SUMF1: variants seen among roughly 807,000 people sequenced by gnomAD.
SUMF1 encodes formylglycine-generating enzyme.
Under a neutral mutation model 47.6 loss-of-function variants are expected in SUMF1, and 48 were observed. The ratio of observed to expected loss-of-function variants is 1.01; its 90% CI spans 0.80 to 1.28. The LOEUF is 1.28. SUMF1 is among the 50% of genes most tolerant of loss of function. The pLI is 0.00. For synonymous variants in SUMF1, 230 were observed against 192.1 expected (o/e 1.20, Z -1.63); for missense variants, 571 against 485.4 (o/e 1.18, Z -1.66).
At chr3:4,177,785 G>C (rs143088038) in intron 8 of SUMF1, among the ~76,000 whole-genome samples, 2 of 152,186 alleles carry the variant, frequency 1.3e-5, no homozygotes, top group African/African-American at 4.8e-5. Context: ...AAAATTGATA[G>C]ACCACTAGCA....
chr3:4,206,551 C>A (rs1004810393), intron 8 of SUMF1, among the ~76,000 whole-genome samples: 2 of 152,146 alleles, frequency 1.3e-5, no homozygotes, highest in Admixed American at 6.5e-5. Flanking sequence ...GATTCTTTCT[C>A]TGTGTCACGT....
intron 8 of SUMF1, among the ~76,000 whole-genome samples, chr3:4,134,934 T>A (rs1693887996): frequency 6.6e-6 from 1 of 152,144 alleles, no homozygotes; most frequent in African/African-American, 2.4e-5. Flanking sequence ...CGAAGTTGAA[T>A]CTCTGAATAG....
intron 3 of SUMF1, among the ~76,000 whole-genome samples, chr3:4,442,367 TGCCTC>T (rs1702626074): frequency 1.3e-5 from 2 of 151,536 alleles, no homozygotes; most frequent in African/African-American, 4.8e-5. Flanking sequence ...GCCATTCTCC[TGCCTC>T]AGCCTCCCGA....
chr3:4,126,806 T>C (rs746748264), intron 8 of SUMF1, among the ~76,000 whole-genome samples: 1 of 152,144 alleles, frequency 6.6e-6, no homozygotes, highest in Non-Finnish European at 1.5e-5. Context: ...AAGAAATAAT[T>C]TTTCAGTCCT....
At chr3:4,177,578 G>A (rs1694994962) in intron 8 of SUMF1, among the ~76,000 whole-genome samples, 4 of 152,102 alleles carry the variant, frequency 2.6e-5, no homozygotes, top group South Asian at 4.1e-4. Flanking sequence ...ATGCCCACAA[G>A]AGAAAGCAGG....
Position 4,417,166 on chromosome 3 carries a change from T to C in SUMF1, c.802A>G (p.Thr268Ala), listed in dbSNP as rs141447969. 1.3e-4 allele frequency: 209 copies of C among 1,613,864 alleles called. No individual in the cohort carries two copies. Among genetic ancestry groups the C allele is most frequent in the Non-Finnish European group, 1.7e-4 (203 of 1,179,934 alleles). The stretch of plus-strand genomic sequence containing the variant: ...TGGAAGCCATCCTCACCAGTGTTGG[T>C]CACCGGAAACTCGCCCTGCCAAATG... ...ANIWQGEFPV[T>A]NTGEDGFQGT... Residue 268 changes from threonine (T) to alanine (A), a missense_variant, in exon 6 of 9, where the codon ACC becomes GCC. By Grantham distance (58) the Thr-to-Ala change is moderately conservative. Transcript: ENST00000272902.
At chr3:4,104,391 C>G (rs3846151) in intron 8 of SUMF1, among the ~76,000 whole-genome samples, 7,588 of 151,958 alleles carry the variant, frequency 0.05, 523 homozygotes, top group East Asian at 0.16. Flanking sequence ...ATATCTTTAC[C>G]AGCAGCATGA....
At chr3:4,176,972 T>G (rs1017901543) in intron 8 of SUMF1, among the ~76,000 whole-genome samples, 1 of 152,098 alleles carries the variant, frequency 6.6e-6, no homozygotes, top group Non-Finnish European at 1.5e-5. Flanking sequence ...AGGGATCAAT[T>G]CAACAAGAAG....
At chr3:4,238,575 T>C (rs1216828521) in intron 8 of SUMF1, among the ~76,000 whole-genome samples, 2 of 152,238 alleles carry the variant, frequency 1.3e-5, no homozygotes, top group South Asian at 4.1e-4. Flanking sequence ...ATGCCTTCTT[T>C]TGAGAAGTGT....
chr3:4,338,502 A>G (rs1699200965), intron 8 of SUMF1, among the ~76,000 whole-genome samples: 1 of 152,084 alleles, frequency 6.6e-6, no homozygotes, highest in Non-Finnish European at 1.5e-5. Context: ...TCATTCACAA[A>G]CGTTTGTCAA....
intron 8 of SUMF1, among the ~76,000 whole-genome samples, chr3:4,266,038 G>A (rs1444805743): frequency 6.6e-6 from 1 of 152,118 alleles, no homozygotes; most frequent in East Asian, 1.9e-4. Flanking sequence ...TCAGATAGTT[G>A]TAGACATGCG....
intron 8 of SUMF1, among the ~76,000 whole-genome samples, chr3:4,276,602 C>G (rs1359901693): frequency 6.6e-6 from 1 of 152,124 alleles, no homozygotes; most frequent in Non-Finnish European, 1.5e-5. Context: ...TCAGTTCCTT[C>G]TCAACCCCAC....
chr3:4,096,412 T>C (rs543965129), intron 8 of SUMF1, among the ~76,000 whole-genome samples: 54 of 152,198 alleles, frequency 3.5e-4, no homozygotes, highest in African/African-American at 1.3e-3. Context: ...TTAAAATGAA[T>C]AATAACAACT....
intron 8 of SUMF1, among the ~76,000 whole-genome samples, chr3:4,335,449 G>A (rs1161456255): frequency 6.6e-6 from 1 of 152,172 alleles, no homozygotes; most frequent in African/African-American, 2.4e-5. Context: ...ACCTGGAGAT[G>A]GGGTCTAAGC....
chr3:4,197,708 TA>T (rs1163853201), intron 8 of SUMF1, among the ~76,000 whole-genome samples: 2 of 151,958 alleles, frequency 1.3e-5, no homozygotes, highest in Non-Finnish European at 2.9e-5. Context: ...AAAGATACTC[TA>T]TTGTCTATCC....
intron 8 of SUMF1, among the ~76,000 whole-genome samples, chr3:4,081,732 T>C (rs764667378): frequency 3.3e-5 from 5 of 152,164 alleles, no homozygotes; most frequent in Admixed American, 2.6e-4. Flanking sequence ...AATGGTCAAT[T>C]GTATGTGTGG....
chr3:4,158,260 T>A (rs1694498611), intron 8 of SUMF1, among the ~76,000 whole-genome samples: 4 of 151,732 alleles, frequency 2.6e-5, no homozygotes, highest in Admixed American at 2.6e-4. Context: ...GTTTCCAAAG[T>A]TCCTCTTGTT....
At chr3:4,350,094 G>C (rs556499893) in intron 8 of SUMF1, among the ~76,000 whole-genome samples, 2 of 151,228 alleles carry the variant, frequency 1.3e-5, no homozygotes, top group Non-Finnish European at 2.9e-5. Flanking sequence ...TCTGCCTTCC[G>C]TGTTTGAGCA....
chr3:4,259,372 G>T (rs1238320308), intron 8 of SUMF1, among the ~76,000 whole-genome samples: 1 of 151,902 alleles, frequency 6.6e-6, no homozygotes, highest in African/African-American at 2.4e-5. Flanking sequence ...TACCTGATTT[G>T]ACCTACATGT....
Sources: gnomAD v4.1 joint callset for allele counts (sites outside exome capture counted in the v4.1 genomes callset) on GRCh38, gnomAD v4.1.1 for gene constraint, MANE v1.5 for transcripts, NCBI Gene and HGNC (gene_info 2026-07-23, HGNC 2026-07-21) for gene names.